Variants in ZDHHC17 observed in about 807,000 individuals in gnomAD.
ZDHHC17 encodes palmitoyltransferase ZDHHC17.
In ZDHHC17, 40 loss-of-function variants were observed where a neutral mutation model predicts 90.3. That is an observed-to-expected ratio of 0.44 (90% CI 0.34 to 0.58). The LOEUF is 0.58. Among genes scored for constraint, ZDHHC17 ranks in the 20% least tolerant of loss-of-function variants. The pLI, the probability that ZDHHC17 is intolerant of heterozygous loss-of-function variation, is 0.01. For synonymous variants in ZDHHC17, 235 were observed against 252.4 expected, an observed-to-expected ratio of 0.93 and a Z score of 0.65; for missense variants, 614 against 780.8, an observed-to-expected ratio of 0.79 and a Z score of 2.55.
chr12:76,797,534 C>A lies in ZDHHC17; in HGVS notation c.194C>A (p.Thr65Lys). The change falls in exon 2 of 17, where the codon ACA becomes AAA. Residue 65 changes from threonine (T) to lysine (K), a missense_variant. Coordinates refer to ENST00000426126, the MANE Select transcript of ZDHHC17 (RefSeq NM_015336.4). ...DYSTWDIVKATQYGIYERCRE... is the reference protein window; with the variant it reads ...DYSTWDIVKAKQYGIYERCRE... Reference sequence around the variant, plus strand: ...AGCACATGGGACATAGTCAAGGCTACACAGTAAGGTTTTTGTTGTAGTTGT... The same window carrying A: ...AGCACATGGGACATAGTCAAGGCTAAACAGTAAGGTTTTTGTTGTAGTTGT... 1 of 1,592,192 alleles carries A rather than the reference C, an allele frequency of 6.3e-7. No individual in the cohort carries two copies.
chr12:76,805,183 TA>T, intron 2 of ZDHHC17, 133 bp from the exon 3 acceptor site: 4 of 857,876 alleles, frequency 4.7e-6, no homozygotes, highest in Admixed American at 3.0e-5. Flanking sequence ...ATTTTAAAAG[TA>T]ATATTCTATG....
intron 7 of ZDHHC17, among the ~76,000 whole-genome samples, chr12:76,821,331 G>A (rs1462688221): frequency 6.6e-6 from 1 of 152,112 alleles, no homozygotes; most frequent in Admixed American, 6.6e-5. Context: ...TAAAGGATTG[G>A]TTGGGCTTTT....
At chr12:76,789,833 T>C (rs1952739397) in intron 1 of ZDHHC17, among the ~76,000 whole-genome samples, 1 of 152,136 alleles carries the variant, frequency 6.6e-6, no homozygotes, top group African/African-American at 2.4e-5. Context: ...CCTGACTAGT[T>C]ATTCTCAAAA....
At chr12:76,807,894 A>G (rs1163194258) in intron 3 of ZDHHC17, among the ~76,000 whole-genome samples, 1 of 152,216 alleles carries the variant, frequency 6.6e-6, no homozygotes, top group Non-Finnish European at 1.5e-5. Context: ...TTCTCAAAGA[A>G]CATTTTCAGC....
chr12:76,828,544 A>G, intron 10 of ZDHHC17, 54 bp downstream of exon 10: 1 of 1,483,096 alleles, frequency 6.7e-7, no homozygotes, highest in Admixed American at 1.7e-5. Context: ...TGTTATTTGA[A>G]TAGATGTTTA....
chr12:76,792,737 G>T (rs1952773862), intron 1 of ZDHHC17, among the ~76,000 whole-genome samples: 1 of 151,898 alleles, frequency 6.6e-6, no homozygotes, highest in African/African-American at 2.4e-5. Flanking sequence ...AAAAATATAT[G>T]AAATCATTTT....
rs1301578305 is a variant in ZDHHC17 at position 76,851,178 on chromosome 12, T to C, written c.*193T>C. On this transcript the variant is annotated 3_prime_UTR_variant, in exon 17 of 17. Transcript: ENST00000426126. ...CATGGACAGAACACACTGCCATTTC[T>C]GGGAAGAGTAAAGATGATAAAAAAT... The C allele has an allele frequency of 3.4e-6, 2 of 588,032 alleles. No individual in the cohort carries two copies. Among genetic ancestry groups the C allele is most frequent in the Non-Finnish European group, 5.6e-6 (2 of 356,270 alleles). The allele number at this position is 588,032 out of a possible 1,614,324, so 36.4% of individuals were successfully genotyped here. A position where few individuals can be genotyped will look rare whatever the true frequency, so the allele number is the denominator to read the frequency against.
intron 2 of ZDHHC17, 130 bp from the exon 3 acceptor site, chr12:76,805,186 TA>T: frequency 4.6e-6 from 4 of 868,860 alleles, no homozygotes; most frequent in Admixed American, 3.0e-5. Context: ...TTAAAAGTAA[TA>T]TTCTATGTTG....
chr12:76,827,021 T>A lies in ZDHHC17; in HGVS notation c.1011T>A (p.Gly337=). ...SWLIKGLMYG[G]VWATVQFLSK... Reference sequence around the variant, plus strand: ...TCATTAAAGGGCTAATGTATGGTGGTGTTTGGGCTACAGTACAGTTTCTTT... The same window carrying A: ...TCATTAAAGGGCTAATGTATGGTGGAGTTTGGGCTACAGTACAGTTTCTTT... The change falls in exon 9 of 17, where the codon GGT becomes GGA. Residue 337 remains glycine, a synonymous_variant. Coordinates refer to ENST00000426126, the MANE Select transcript of ZDHHC17 (RefSeq NM_015336.4). 2 of 1,567,392 alleles carry A rather than the reference T, an allele frequency of 1.3e-6. No individual in the cohort carries two copies. The highest frequency in any genetic ancestry group is 1.7e-6 in the Non-Finnish European group (2 of 1,164,416).
chr12:76,797,658 A>G (rs1952836744), intron 2 of ZDHHC17, 121 bp downstream of exon 2: 1 of 713,924 alleles, frequency 1.4e-6, no homozygotes, highest in Non-Finnish European at 2.1e-6. Flanking sequence ...AAATTAGTTT[A>G]TGGGCCGGTT....
intron 2 of ZDHHC17, among the ~76,000 whole-genome samples, chr12:76,803,702 TTAATC>T (rs1353185644): frequency 6.6e-6 from 1 of 152,196 alleles, no homozygotes; most frequent in African/African-American, 2.4e-5. Context: ...ACAAATTCTT[TTAATC>T]CCGTTATATA....
chr12:76,840,728 A>G (rs529346039), intron 10 of ZDHHC17, among the ~76,000 whole-genome samples: 1 of 152,362 alleles, frequency 6.6e-6, no homozygotes, highest in South Asian at 2.1e-4. Flanking sequence ...TAATTTCTTT[A>G]TCATTAAAGA....
chr12:76,774,132 C>G (rs1383736105), intron 1 of ZDHHC17, among the ~76,000 whole-genome samples: 5 of 151,960 alleles, frequency 3.3e-5, no homozygotes, highest in Non-Finnish European at 7.4e-5. Context: ...TGCCTGTAGT[C>G]CCAGCTACTT....
chr12:76,843,229 C>T (rs1592498846), intron 12 of ZDHHC17, among the ~76,000 whole-genome samples: 1 of 152,190 alleles, frequency 6.6e-6, no homozygotes, highest in East Asian at 1.9e-4. Context: ...TCTCTTTTCT[C>T]GCTTAAAATG....
In ZDHHC17 at chr12:76,848,310, C is replaced by T. The variant is rs750955210; in HGVS notation, c.1585C>T (p.Pro529Ser). 3.1e-6 allele frequency: 5 copies of T among 1,613,908 alleles called. No individual in the cohort carries two copies. Among genetic ancestry groups the T allele is most frequent in the Admixed American group, 3.3e-5 (2 of 60,010 alleles). The change falls in exon 15 of 17, where the codon CCT becomes TCT. Residue 529 changes from proline to serine, a missense_variant. By Grantham distance (74) the Pro-to-Ser change is moderately conservative (BLOSUM62 -1). Coordinates refer to ENST00000426126, the MANE Select transcript of ZDHHC17 (RefSeq NM_015336.4). ...CATTACTCAGATTGCCACGTGTTCA[C>T]CTTGGATGTTTTGGATGTTCCTGAA... ...TYITQIATCS[P>S]WMFWMFLNSV...
intron 10 of ZDHHC17, among the ~76,000 whole-genome samples, chr12:76,831,987 G>A (rs1434440063): frequency 6.6e-6 from 1 of 152,172 alleles, no homozygotes; most frequent in East Asian, 1.9e-4. Flanking sequence ...TGATACTCAT[G>A]GAATATGTGA....
chr12:76,779,150 C>G (rs1370041170), intron 1 of ZDHHC17, among the ~76,000 whole-genome samples: 1 of 152,110 alleles, frequency 6.6e-6, no homozygotes, highest in African/African-American at 2.4e-5. Flanking sequence ...TGTCTTTTGC[C>G]TATTTCCTAG....
rs558254180 is a variant in ZDHHC17, at chr12:76,825,219, T to TG, written c.898-1684dup. On this transcript the variant is annotated intron_variant, in intron 8 of 16. Coordinates refer to ENST00000426126, the MANE Select transcript of ZDHHC17 (RefSeq NM_015336.4). ...ACTGTGATACGCTAGATGTTACCAT[T>TG]GGGGGACAAAGGATATTTAGGATCT... Among the ~76,000 whole-genome samples the TG allele has an allele frequency of 1.7e-4, 26 of 152,308 alleles. No individual in the cohort carries two copies. The South Asian group carries it at 5.2e-3, about 30-fold the overall frequency.
intron 2 of ZDHHC17, among the ~76,000 whole-genome samples, chr12:76,798,565 A>AT (rs1329347795): frequency 6.6e-6 from 1 of 152,122 alleles, no homozygotes; most frequent in Non-Finnish European, 1.5e-5. Flanking sequence ...GAAAAAAAAA[A>AT]AAAGTAGGGC....
Sources: allele counts gnomAD v4.1 joint callset (sites outside exome capture counted in the v4.1 genomes callset), GRCh38; gene constraint gnomAD v4.1.1; transcripts MANE v1.5; gene names NCBI Gene and HGNC (gene_info 2026-07-23, HGNC 2026-07-21).